ACSL4: variants seen among roughly 807,000 people sequenced by gnomAD.
ACSL4 encodes the protein long-chain-fatty-acid--CoA ligase 4.
ACSL4 carries 9 observed loss-of-function variants against 49.1 expected under a neutral mutation model. The observed-to-expected ratio is 0.18, with a 90% CI of 0.11 to 0.32. The LOEUF (loss-of-function observed/expected upper bound fraction) is 0.32, where lower values mean the gene tolerates loss of function less well. Among genes scored for constraint, ACSL4 ranks in the 10% least tolerant of loss-of-function variants. The probability of loss-of-function intolerance (pLI) is 1.00; values close to 1 mark genes in which losing one functional copy is unlikely to be tolerated. For synonymous variants in ACSL4, 191 were observed against 170.3 expected, an observed-to-expected ratio of 1.12 and a Z score of -0.95; for missense variants, 333 against 493.7, an observed-to-expected ratio of 0.67 and a Z score of 3.08.
chrX:109,669,765 T>C (rs1923020578), intron 9 of ACSL4, among the ~76,000 whole-genome samples: 1 of 112,565 alleles, frequency 8.9e-6, no homozygotes, highest in South Asian at 3.6e-4. Context: ...AAAAAAAAAT[T>C]AATCTCTGTT....
intron 4 of ACSL4, 71 bp downstream of exon 4, chrX:109,682,648 G>A (rs1166429054): frequency 1.8e-6 from 2 of 1,131,353 alleles, no homozygotes. Flanking sequence ...GAAAACAAGA[G>A]CATCTCAAAA....
Position 109,678,123 on chromosome X carries a change from TAAG to T in ACSL4, c.807-15_807-13del. The T allele has an allele frequency of 8.3e-7, 1 of 1,211,434 alleles. No homozygotes were observed. Among genetic ancestry groups the T allele is most frequent in the Non-Finnish European group, 1.1e-6 (1 of 894,910 alleles). On this transcript the variant is annotated splice_polypyrimidine_tract_variant and intron_variant, in intron 7 of 15. Transcript: ENST00000672401. ...ATGTGTCCTTCGGTCTAAAACAAAATAAGAGAAATATTTTAACCATTCTTGAAA... is the reference window on the plus strand; with the variant it reads ...ATGTGTCCTTCGGTCTAAAACAAAATAGAAATATTTTAACCATTCTTGAAA...
chrX:109,700,289 G>A (rs1298589327), intron 1 of ACSL4, among the ~76,000 whole-genome samples: 1 of 109,159 alleles, frequency 9.2e-6, no homozygotes, highest in Non-Finnish European at 1.9e-5. Flanking sequence ...AAGCACTCTG[G>A]GAGGCCAAAG....
At chrX:109,697,720 G>GC (rs1474915795) in intron 1 of ACSL4, among the ~76,000 whole-genome samples, 2 of 94,491 alleles carry the variant, frequency 2.1e-5, no homozygotes, top group African/African-American at 3.8e-5. Context: ...TGGGGGGGGG[G>GC]GCGCGGGGAA....
chrX:109,649,165 G>A (rs1010057813), intron 15 of ACSL4, among the ~76,000 whole-genome samples: 4 of 111,233 alleles, frequency 3.6e-5, no homozygotes, highest in African/African-American at 6.6e-5. Context: ...CACAGAATTG[G>A]AAAAAACTAC....
At chrX:109,732,899 C>T in intron 1 of ACSL4, 1 of 274,130 alleles carries the variant, frequency 3.6e-6, no homozygotes, top group Non-Finnish European at 7.0e-6. Context: ...TTCCGAGGAC[C>T]CCAGAGTCCA....
At chrX:109,730,596 T>C (rs2147570635) in intron 1 of ACSL4, among the ~76,000 whole-genome samples, 1 of 112,435 alleles carries the variant, frequency 8.9e-6, no homozygotes, top group South Asian at 3.7e-4. Flanking sequence ...CATCATGTCC[T>C]GAGGGCCTGA....
intron 15 of ACSL4, among the ~76,000 whole-genome samples, chrX:109,648,796 C>G (rs1445806867): frequency 3.0e-4 from 30 of 100,504 alleles, no homozygotes; most frequent in African/African-American, 9.1e-4. Context: ...AGCCCAAAAT[C>G]TCCTTAAGCT....
intron 1 of ACSL4, among the ~76,000 whole-genome samples, chrX:109,700,590 T>TG (rs1157861524): frequency 1.9e-4 from 21 of 108,442 alleles, no homozygotes; most frequent in African/African-American, 6.7e-4. Flanking sequence ...GAGAACTAAG[T>TG]GGTCATAAGA....
At chrX:109,715,153 CAT>C (rs755136064) in intron 1 of ACSL4, among the ~76,000 whole-genome samples, 9 of 111,700 alleles carry the variant, frequency 8.1e-5, no homozygotes, top group Non-Finnish European at 1.5e-4. Flanking sequence ...CTAAAATAAA[CAT>C]GTATAATAAT....
chrX:109,715,773 CAAG>C (rs1374870171), intron 1 of ACSL4, among the ~76,000 whole-genome samples: 1 of 111,200 alleles, frequency 9.0e-6, no homozygotes. Context: ...TACATATAAA[CAAG>C]AATATGATGG....
At chrX:109,657,604 AT>A (rs1483573134) in intron 15 of ACSL4, among the ~76,000 whole-genome samples, 3 of 110,939 alleles carry the variant, frequency 2.7e-5, no homozygotes, top group Non-Finnish European at 3.8e-5. Context: ...CATTTTCTTA[AT>A]CCAGTCTATT....
chrX:109,716,876 CTACT>C (rs1927157019), intron 1 of ACSL4, among the ~76,000 whole-genome samples: 1 of 112,110 alleles, frequency 8.9e-6, no homozygotes, highest in Admixed American at 9.5e-5. Flanking sequence ...CTGATATTTC[CTACT>C]AGTAGATATT....
intron 1 of ACSL4, among the ~76,000 whole-genome samples, chrX:109,719,422 C>T (rs1035829248): frequency 1.8e-5 from 2 of 111,895 alleles, no homozygotes; most frequent in East Asian, 5.6e-4. Context: ...GCTAGCAGGG[C>T]TGATGCAAGT....
chrX:109,657,328 T>C (rs149792018), intron 15 of ACSL4, among the ~76,000 whole-genome samples: 3,988 of 111,055 alleles, frequency 0.036, 74 homozygotes, highest in South Asian at 0.11. Context: ...ATCCTCATCA[T>C]TTAACATTAG....
chrX:109,724,767 C>T (rs1248014926), intron 1 of ACSL4, among the ~76,000 whole-genome samples: 1 of 108,844 alleles, frequency 9.2e-6, no homozygotes, highest in Admixed American at 9.8e-5. Flanking sequence ...CAAAAATTAG[C>T]CGGGTGTGGT....
At chrX:109,698,708 A>G (rs1325057069) in intron 1 of ACSL4, among the ~76,000 whole-genome samples, 2 of 111,899 alleles carry the variant, frequency 1.8e-5, no homozygotes, top group African/African-American at 6.5e-5. Flanking sequence ...AGCCCAACTC[A>G]CCAAATGCCA....
At chrX:109,650,374 G>T (rs1288993683) in intron 15 of ACSL4, among the ~76,000 whole-genome samples, 3 of 108,221 alleles carry the variant, frequency 2.8e-5, no homozygotes, top group Admixed American at 2.0e-4. Context: ...CATGTCCTTT[G>T]TAGGGACATG....
intron 1 of ACSL4, among the ~76,000 whole-genome samples, chrX:109,728,707 T>C (rs1341097893): frequency 1.8e-5 from 2 of 112,349 alleles, no homozygotes; most frequent in Non-Finnish European, 3.8e-5. Flanking sequence ...ATGGATGTTA[T>C]ACAGAACAGA....
Sources: gnomAD v4.1 joint callset for allele counts (sites outside exome capture counted in the v4.1 genomes callset) on GRCh38, gnomAD v4.1.1 for gene constraint, MANE v1.5 for transcripts, NCBI Gene and HGNC (gene_info 2026-07-23, HGNC 2026-07-21) for gene names.